The following SPSB4 variants were observed in gnomAD, a reference collection of about 807,000 sequenced individuals.
SPSB4 encodes splA/ryanodine receptor domain and SOCS box containing 4.
In SPSB4, 21 loss-of-function variants were observed where a neutral mutation model predicts 20.9. The observed-to-expected ratio is 1.01, with a 90% CI of 0.71 to 1.45. The LOEUF (loss-of-function observed/expected upper bound fraction) is 1.45. Among genes scored for constraint, SPSB4 ranks in the 40% most tolerant of loss-of-function variants. SPSB4 has a pLI of 0.00. For missense variants in SPSB4, 399 were observed against 399.2 expected (o/e 1.00, Z 0.00); for synonymous variants, 207 against 183.8 (o/e 1.13, Z -1.02).
At chr3:141,056,825 A>G (rs560016240) in intron 1 of SPSB4, among the ~76,000 whole-genome samples, 153 of 152,018 alleles carry the variant, frequency 1.0e-3, no homozygotes, top group African/African-American at 3.7e-3. Flanking sequence ...AGCTGTGGTG[A>G]CCGGGCTGGC....
At chr3:141,108,714 C>CA (rs1300013729) in intron 2 of SPSB4, among the ~76,000 whole-genome samples, 1 of 152,168 alleles carries the variant, frequency 6.6e-6, no homozygotes, top group Non-Finnish European at 1.5e-5. Flanking sequence ...CTGGGTAGTG[C>CA]AGGAGGCGTG....
chr3:141,134,426 CCAT>C, intron 2 of SPSB4, among the ~76,000 whole-genome samples: 1 of 152,170 alleles, frequency 6.6e-6, no homozygotes, highest in East Asian at 1.9e-4. Context: ...CAACTTTTCC[CCAT>C]TCAGTAGTTT....
rs546211518 is a variant in SPSB4, at chr3:141,122,706, G to A, written c.695-24436G>A. 3.3e-5 allele frequency among the ~76,000 whole-genome samples: 5 copies of A among 152,314 alleles called. No individual in the cohort carries two copies. The East Asian group carries it at 9.6e-4, about 29-fold the overall frequency. ...TCGCAGGTCAATCTCAGACTGCTAC[G>A]GTAGCAGTGAGCAAGGCTCCGTGGG... On this transcript the variant is annotated intron_variant, in intron 2 of 2. Transcript: ENST00000310546.
chr3:141,075,951 T>G (rs955829068), intron 2 of SPSB4, among the ~76,000 whole-genome samples: 3 of 144,476 alleles, frequency 2.1e-5, no homozygotes, highest in African/African-American at 7.5e-5. Context: ...TCCCAGCTAC[T>G]CAGGAGGCTG....
intron 2 of SPSB4, among the ~76,000 whole-genome samples, chr3:141,091,000 A>C (rs1482256634): frequency 2.6e-5 from 4 of 152,202 alleles, no homozygotes; most frequent in African/African-American, 9.7e-5. Flanking sequence ...GGATAACTCC[A>C]TGGTTTTGGG....
intron 2 of SPSB4, among the ~76,000 whole-genome samples, chr3:141,139,721 G>A (rs930752441): frequency 6.6e-6 from 1 of 152,228 alleles, no homozygotes; most frequent in African/African-American, 2.4e-5. Flanking sequence ...AGTCTGATGG[G>A]CTTCCCTTTG....
intron 1 of SPSB4, among the ~76,000 whole-genome samples, chr3:141,060,661 A>G (rs1290635012): frequency 6.6e-6 from 1 of 152,238 alleles, no homozygotes; most frequent in Non-Finnish European, 1.5e-5. Context: ...GCTAGGTCAA[A>G]GGGTCTGTAT....
At chr3:141,132,658 A>G (rs990249422) in intron 2 of SPSB4, among the ~76,000 whole-genome samples, 6 of 151,788 alleles carry the variant, frequency 4.0e-5, no homozygotes, top group East Asian at 1.9e-4. Flanking sequence ...GTGTGTATAT[A>G]TATATATATA....
chr3:141,078,533 G>A (rs1357913538), intron 2 of SPSB4, among the ~76,000 whole-genome samples: 1 of 152,220 alleles, frequency 6.6e-6, no homozygotes, highest in Non-Finnish European at 1.5e-5. Flanking sequence ...GCTGGAACAA[G>A]CTTGGGGGAC....
At chr3:141,069,376 G>A (rs1039866885) in intron 2 of SPSB4, among the ~76,000 whole-genome samples, 1 of 152,180 alleles carries the variant, frequency 6.6e-6, no homozygotes, top group Non-Finnish European at 1.5e-5. Context: ...GAATCCCTGG[G>A]TTTGGGACTA....
chr3:141,073,838 C>G (rs1042236687), intron 2 of SPSB4, among the ~76,000 whole-genome samples: 3 of 152,202 alleles, frequency 2.0e-5, no homozygotes, highest in African/African-American at 7.2e-5. Flanking sequence ...ACATCTGTCC[C>G]TGCACACAGG....
intron 2 of SPSB4, among the ~76,000 whole-genome samples, chr3:141,110,458 C>T (rs933421244): frequency 6.6e-6 from 1 of 152,214 alleles, no homozygotes; most frequent in African/African-American, 2.4e-5. Context: ...ATTCAATCTT[C>T]ACACAACTTG....
At chr3:141,070,280 G>C (rs1456819709) in intron 2 of SPSB4, among the ~76,000 whole-genome samples, 2 of 152,154 alleles carry the variant, frequency 1.3e-5, no homozygotes, top group African/African-American at 4.8e-5. Context: ...GGTGAGGGGG[G>C]TGGTATTCTA....
At chr3:141,117,172 G>A (rs538195215) in intron 2 of SPSB4, 1 of 152,328 alleles carries the variant, frequency 6.6e-6, no homozygotes, top group Non-Finnish European at 1.5e-5. Context: ...TTGATTGATT[G>A]CCCACAAAGG....
chr3:141,097,449 G>C (rs1938561037), intron 2 of SPSB4, among the ~76,000 whole-genome samples: 1 of 152,014 alleles, frequency 6.6e-6, no homozygotes, highest in African/African-American at 2.4e-5. Flanking sequence ...TTTGAGACAG[G>C]GTTTACCCAA....
At chr3:141,141,449 G>C (rs1320736634) in intron 2 of SPSB4, among the ~76,000 whole-genome samples, 1 of 152,148 alleles carries the variant, frequency 6.6e-6, no homozygotes, top group East Asian at 1.9e-4. Context: ...GACTGGAGCT[G>C]TTCCTATTCG....
intron 2 of SPSB4, among the ~76,000 whole-genome samples, chr3:141,073,312 G>A (rs1175490081): frequency 4.6e-5 from 7 of 152,152 alleles, no homozygotes; most frequent in African/African-American, 1.7e-4. Context: ...CTCATCTTGC[G>A]CACCTGATGA....
chr3:141,066,874 C>T, intron 2 of SPSB4, 76 bp downstream of exon 2: 1 of 1,388,280 alleles, frequency 7.2e-7, no homozygotes, highest in Non-Finnish European at 9.5e-7. Flanking sequence ...GCCACACCTC[C>T]ATCGCCACTT....
chr3:141,134,206 G>A (rs1339971713), intron 2 of SPSB4, among the ~76,000 whole-genome samples: 1 of 151,660 alleles, frequency 6.6e-6, no homozygotes, highest in Non-Finnish European at 1.5e-5. Flanking sequence ...AGATCAAGGA[G>A]CTTTTTAGAT....
Sources: allele counts gnomAD v4.1 joint callset (sites outside exome capture counted in the v4.1 genomes callset), GRCh38; gene constraint gnomAD v4.1.1; transcripts MANE v1.5; gene names NCBI Gene and HGNC (gene_info 2026-07-23, HGNC 2026-07-21).